TIMP2: variants seen among roughly 807,000 people sequenced by gnomAD.
TIMP2 encodes the protein metalloproteinase inhibitor 2.
A neutral mutation model predicts 24.3 loss-of-function variants in TIMP2; 5 were observed. That is an observed-to-expected ratio of 0.21 (90% CI 0.11 to 0.43). The LOEUF (loss-of-function observed/expected upper bound fraction) is 0.43. TIMP2 is among the 20% of genes least tolerant of loss of function. The pLI is 1.00. For synonymous variants in TIMP2, 130 were observed against 123.2 expected, an observed-to-expected ratio of 1.06 and a Z score of -0.37; for missense variants, 221 against 297.5, an observed-to-expected ratio of 0.74 and a Z score of 1.89.
At chr17:78,883,253 C>A (rs1395824627) in intron 1 of TIMP2, among the ~76,000 whole-genome samples, 1 of 152,116 alleles carries the variant, frequency 6.6e-6, no homozygotes, top group Non-Finnish European at 1.5e-5. Context: ...GTGTAGACAC[C>A]GGAAGTGAAG....
At position 78,905,836 on chromosome 17, in the gene TIMP2, C is replaced by T. The variant is rs937728476; in HGVS notation, c.130+19123G>A. Among the ~76,000 whole-genome samples the T allele has an allele frequency of 2.6e-5, 4 of 152,228 alleles. No individual in the cohort carries two copies. The East Asian group carries it at 7.7e-4, about 29-fold the overall frequency. On this transcript the variant is annotated intron_variant, in intron 1 of 4. Coordinates refer to ENST00000262768, the MANE Select transcript of TIMP2 (RefSeq NM_003255.5). The stretch of plus-strand genomic sequence containing the variant: ...ATACTATTGTTGACTGCAATTAGAA[C>T]CACATATTAGCAAATGCTAGCTTTT...
chr17:78,886,753 G>A (rs1227355687), intron 1 of TIMP2, among the ~76,000 whole-genome samples: 1 of 152,030 alleles, frequency 6.6e-6, no homozygotes, highest in Non-Finnish European at 1.5e-5. Flanking sequence ...CCCTAAGACA[G>A]GGTCTCTGTC....
Position 78,896,939 on chromosome 17 carries a change from C to T in TIMP2, c.131-23020G>A, listed in dbSNP as rs2070010832. 2.0e-6 allele frequency: 2 copies of T among 985,408 alleles called. No individual in the cohort carries two copies. Among genetic ancestry groups the T allele is most frequent in the Non-Finnish European group, 2.4e-6 (2 of 829,932 alleles). The allele number at this position is 985,408 out of a possible 1,614,324, so 61.0% of individuals were successfully genotyped here. ...GCCACCAGATTCCCAGCGATTCTCA[C>T]CAAAGTCAGGCAACCTCTGGCCTAC... is the stretch of plus-strand genomic sequence containing the variant. On this transcript the variant is annotated intron_variant, in intron 1 of 4. Coordinates refer to ENST00000262768, the MANE Select transcript of TIMP2 (RefSeq NM_003255.5). The surrounding 1 kb of genome is among the most constrained non-coding windows in gnomAD (Gnocchi z 4.4).
chr17:78,880,897 G>A (rs78262848), intron 1 of TIMP2, among the ~76,000 whole-genome samples: 2,361 of 152,278 alleles, frequency 0.016, 64 homozygotes, highest in African/African-American at 0.054. Flanking sequence ...GCAAACCGGT[G>A]GATATCAACA....
intron 1 of TIMP2, among the ~76,000 whole-genome samples, chr17:78,906,646 G>A (rs1050837375): frequency 7.9e-5 from 12 of 151,960 alleles, no homozygotes; most frequent in African/African-American, 2.4e-4. Flanking sequence ...ACAGTGGTGC[G>A]ATCTCGGCTC....
intron 1 of TIMP2, among the ~76,000 whole-genome samples, chr17:78,888,402 C>T (rs528313608): frequency 1.3e-3 from 205 of 152,076 alleles, no homozygotes; most frequent in South Asian, 2.3e-3. Context: ...TCAAGCAATC[C>T]GCCCGCCTTG....
chr17:78,910,488 G>T (rs150798742), intron 1 of TIMP2, among the ~76,000 whole-genome samples: 35 of 152,224 alleles, frequency 2.3e-4, no homozygotes, highest in African/African-American at 8.2e-4. Flanking sequence ...CCACCGCCTG[G>T]CCTATTGTTA....
chr17:78,898,357 C>T (rs1252168153), intron 1 of TIMP2: 1 of 152,288 alleles, frequency 6.6e-6, no homozygotes, highest in East Asian at 1.9e-4. Context: ...CTGATCCAGG[C>T]TCCTAGCCTG....
At position 78,892,594 on chromosome 17, in the gene TIMP2, G is replaced by A. The variant is rs115861876; in HGVS notation, c.131-18675C>T. Reference sequence around the variant, plus strand: ...GTGCCCCTCCAAGCTCTCTTGACCCGTGCCCACCAGGGCCCACTCTCAGCC... The same window carrying A: ...GTGCCCCTCCAAGCTCTCTTGACCCATGCCCACCAGGGCCCACTCTCAGCC... On this transcript the variant is annotated intron_variant, in intron 1 of 4. Transcript: ENST00000262768. 3,437 of 1,357,410 alleles carry A rather than the reference G, an allele frequency of 2.5e-3. 48 individuals are homozygous for A. In the African/African-American group the frequency reaches 0.041, roughly 16 times the overall value. 84.1% of individuals were successfully genotyped at this position (1,357,410 alleles called of 1,614,324 possible).
intron 1 of TIMP2, among the ~76,000 whole-genome samples, chr17:78,916,836 T>G (rs1568008953): frequency 6.6e-6 from 1 of 152,046 alleles, no homozygotes; most frequent in South Asian, 2.1e-4. Flanking sequence ...TGTGGTACAC[T>G]CTCTACCACA....
chr17:78,897,890 G>A (rs779379195), intron 1 of TIMP2: 7 of 152,192 alleles, frequency 4.6e-5, no homozygotes, highest in East Asian at 1.9e-4. Flanking sequence ...CTGGAGACAC[G>A]GAAATGGGTA....
intron 1 of TIMP2, among the ~76,000 whole-genome samples, chr17:78,923,274 A>G (rs2070321587): frequency 6.6e-6 from 1 of 151,868 alleles, no homozygotes; most frequent in South Asian, 2.1e-4. Context: ...GCCATCCTGG[A>G]TCCACACCCC....
At chr17:78,897,102 C>T (rs75711045) in intron 1 of TIMP2, 7 of 566,894 alleles carry the variant, frequency 1.2e-5, no homozygotes, top group South Asian at 7.6e-5. Flanking sequence ...AGCACCCCCC[C>T]GCCCCCCGCC....
At position 78,891,708 on chromosome 17, in the gene TIMP2, C is replaced by T. The variant is rs2069898327; in HGVS notation, c.131-17789G>A. 6.4e-7 allele frequency: 1 copy of T among 1,551,166 alleles called. No homozygotes were observed. The highest frequency in any genetic ancestry group is 8.7e-7 in the Non-Finnish European group (1 of 1,147,120). On this transcript the variant is annotated intron_variant, in intron 1 of 4. Coordinates refer to ENST00000262768, the MANE Select transcript of TIMP2 (RefSeq NM_003255.5). This position sits in a 1 kb window ranked among gnomAD's most constrained non-coding sequence, Gnocchi z 4.5. The stretch of plus-strand genomic sequence containing the variant: ...GCTGTTCCTTTCTCTTTTTCCTCCA[C>T]AAGCCCGATTTCTCCCACAGCAGCC...
Position 78,855,672 on chromosome 17 carries a change from G to T in TIMP2, c.658C>A (p.Pro220Thr). The change falls in exon 5 of 5, where the codon CCA becomes ACA. Residue 220 changes from proline (P) to threonine (T), a missense_variant. Physicochemically the swap from Pro to Thr is conservative, Grantham distance 38. Coordinates refer to ENST00000262768, the MANE Select transcript of TIMP2 (RefSeq NM_003255.5). The surrounding 1 kb of genome is among the most constrained non-coding windows in gnomAD (Gnocchi z 6.0). The part of the protein sequence containing the change: ...PKQEFLDIED[P>T] ...CAGGGGCGTTGGAGGCCTGCTTATG[G>T]GTCCTCGATGTCGAGAAACTCCTGC... 6.2e-7 allele frequency: 1 copy of T among 1,613,704 alleles called. No individual in the cohort carries two copies. Among genetic ancestry groups the T allele is most frequent in the Non-Finnish European group, 8.5e-7 (1 of 1,180,002 alleles).
rs533522749 is a variant in TIMP2 at position 78,890,763 on chromosome 17, C to T, written c.131-16844G>A. ...ATCATCTGACTGTGCCGGTCGTCGTCGGCGAGGCTGGTGCCCGATGGGGAA... is the reference window on the plus strand; with the variant it reads ...ATCATCTGACTGTGCCGGTCGTCGTTGGCGAGGCTGGTGCCCGATGGGGAA... On this transcript the variant is annotated intron_variant, in intron 1 of 4. Coordinates refer to ENST00000262768, the MANE Select transcript of TIMP2 (RefSeq NM_003255.5). The T allele has an allele frequency of 2.7e-4, 426 of 1,550,642 alleles. 5 individuals are homozygous for T. In the South Asian group the frequency reaches 4.4e-3, roughly 16 times the overall value.
intron 1 of TIMP2, among the ~76,000 whole-genome samples, chr17:78,908,670 A>T (rs1239221815): frequency 6.6e-6 from 1 of 152,206 alleles, no homozygotes; most frequent in Non-Finnish European, 1.5e-5. Context: ...AATAAGGAAG[A>T]TGTGAAGTCC....
At chr17:78,857,388 A>T in intron 4 of TIMP2, 134 bp downstream of exon 4, 1 of 1,246,572 alleles carries the variant, frequency 8.0e-7, no homozygotes, top group Non-Finnish European at 1.1e-6. Flanking sequence ...GGATGACTCT[A>T]CCTTCCCAGA....
At chr17:78,857,748 A>C in intron 3 of TIMP2, 102 bp from the exon 4 acceptor site, 18 of 1,463,270 alleles carry the variant, frequency 1.2e-5, no homozygotes, top group Non-Finnish European at 1.5e-5. Flanking sequence ...CGTTGCAACA[A>C]TCCTGTGCAC....
Sources: gnomAD v4.1 joint callset for allele counts (sites outside exome capture counted in the v4.1 genomes callset) on GRCh38, gnomAD v4.1.1 for gene constraint, Gnocchi (gnomAD v3.1) non-coding constraint, MANE v1.5 for transcripts, NCBI Gene and HGNC (gene_info 2026-07-23, HGNC 2026-07-21) for gene names.